SOS2: variants seen among roughly 807,000 people sequenced by gnomAD.
SOS2 encodes SOS Ras/Rho guanine nucleotide exchange factor 2.
Under a neutral mutation model 148.2 loss-of-function variants are expected in SOS2, and 65 were observed. That is an observed-to-expected ratio of 0.44 (90% CI 0.36 to 0.54). The LOEUF (loss-of-function observed/expected upper bound fraction) is 0.54. Ranked by LOEUF, SOS2 falls within the 20% of genes least tolerant of loss-of-function variation. The pLI is 0.00. For synonymous variants in SOS2, 539 were observed against 537.1 expected, an observed-to-expected ratio of 1.00 and a Z score of -0.05; for missense variants, 1,341 against 1,590.2, an observed-to-expected ratio of 0.84 and a Z score of 2.67.
chr14:50,149,014 G>A (rs1277127947), intron 14 of SOS2, among the ~76,000 whole-genome samples: 1 of 152,082 alleles, frequency 6.6e-6, no homozygotes, highest in South Asian at 2.1e-4. Context: ...CAGCCTCCTG[G>A]GCAACTGGGA....
intron 19 of SOS2, 47 bp downstream of exon 19, chr14:50,134,076 T>C (rs937332025): frequency 1.1e-6 from 1 of 913,330 alleles, no homozygotes; most frequent in African/African-American, 1.7e-5. Context: ...TTGAAAATAA[T>C]ATTTTAAAAA....
At chr14:50,155,005 CT>C (rs1256549680) in intron 12 of SOS2, among the ~76,000 whole-genome samples, 21 of 151,878 alleles carry the variant, frequency 1.4e-4, no homozygotes, top group African/African-American at 4.9e-4. Flanking sequence ...AAACACTGAA[CT>C]GTTAATGACA....
At chr14:50,180,330 G>A (rs949820492) in intron 7 of SOS2, among the ~76,000 whole-genome samples, 6 of 145,112 alleles carry the variant, frequency 4.1e-5, no homozygotes, top group African/African-American at 1.5e-4. Flanking sequence ...CCCAGATCTA[G>A]TATGTGCCAA....
Position 50,204,034 on chromosome 14 carries a change from C to T in SOS2, c.213+250G>A, listed in dbSNP as rs188029768. The stretch of plus-strand genomic sequence containing the variant: ...TCCATTTTGAATTAATTTTTGTCTA[C>T]GGCATGAGATAGGTTTCAAGGTTTT... On this transcript the variant is annotated intron_variant, in intron 2 of 22. Transcript: ENST00000216373. 6.5e-4 allele frequency among the ~76,000 whole-genome samples: 99 copies of T among 151,890 alleles called. 1 individual carries two copies. Among genetic ancestry groups the T allele is most frequent in the South Asian group, 2.1e-4 (1 of 4,820 alleles).
At chr14:50,228,607 G>A (rs979298792) in intron 1 of SOS2, among the ~76,000 whole-genome samples, 2 of 152,116 alleles carry the variant, frequency 1.3e-5, no homozygotes, top group African/African-American at 2.4e-5. Flanking sequence ...TGAAAATTAC[G>A]TTCTAACAGT....
At chr14:50,199,932 C>T in intron 3 of SOS2, 77 bp from the exon 4 acceptor site, 1 of 912,122 alleles carries the variant, frequency 1.1e-6, no homozygotes, top group Non-Finnish European at 1.7e-6. Context: ...TCCTATTTAA[C>T]ATCCTTGCTT....
At chr14:50,171,272 C>A (rs193056156) in intron 8 of SOS2, among the ~76,000 whole-genome samples, 1 of 152,004 alleles carries the variant, frequency 6.6e-6, no homozygotes, top group Non-Finnish European at 1.5e-5. Context: ...CATTACCATA[C>A]GATCCATCCA....
intron 1 of SOS2, among the ~76,000 whole-genome samples, chr14:50,226,006 T>TCCC (rs74726778): frequency 4.0e-5 from 6 of 150,742 alleles, no homozygotes; most frequent in African/African-American, 9.8e-5. Flanking sequence ...CTCAAATCCT[T>TCCC]CCCCCCCGCC....
chr14:50,170,170 T>C (rs964186221), intron 8 of SOS2, among the ~76,000 whole-genome samples: 1 of 151,160 alleles, frequency 6.6e-6, no homozygotes, highest in Non-Finnish European at 1.5e-5. Context: ...TGGGCTCAAG[T>C]GACCTTCTCA....
At chr14:50,213,181 T>A (rs970270187) in intron 1 of SOS2, among the ~76,000 whole-genome samples, 1 of 152,104 alleles carries the variant, frequency 6.6e-6, no homozygotes, top group African/African-American at 2.4e-5. Context: ...AGGTGACCAG[T>A]CCACACTGGT....
intron 18 of SOS2, among the ~76,000 whole-genome samples, chr14:50,134,645 C>A (rs1884014277): frequency 6.6e-6 from 1 of 151,884 alleles, no homozygotes; most frequent in Non-Finnish European, 1.5e-5. Flanking sequence ...TTTTGATAAT[C>A]AGAAAAAAAG....
At chr14:50,132,924 C>T (rs1010828449) in intron 19 of SOS2, among the ~76,000 whole-genome samples, 7 of 152,056 alleles carry the variant, frequency 4.6e-5, no homozygotes, top group African/African-American at 1.4e-4. Context: ...GATGGCAGAT[C>T]ATTAGGCATC....
In SOS2 at chr14:50,215,499, C is replaced by G. The variant is rs997618081; in HGVS notation, c.88-11090G>C. On this transcript the variant is annotated intron_variant, in intron 1 of 22. Transcript: ENST00000216373. ...TTTGCCTATCATATTTTTTGAAAGC[C>G]TAGTCAGAAAAAGAGCAATTAAAAT... is the stretch of plus-strand genomic sequence containing the variant. The G allele has an allele frequency of 4.1e-6, 5 of 1,233,012 alleles. No homozygotes were observed. In the African/African-American group the frequency reaches 8.0e-5, roughly 20 times the overall value. 76.4% of individuals were successfully genotyped at this position (1,233,012 alleles called of 1,614,324 possible). A position where few individuals can be genotyped will look rare whatever the true frequency, so the allele number is the denominator to read the frequency against.
chr14:50,194,404 C>T (rs1417912052), intron 4 of SOS2, among the ~76,000 whole-genome samples: 1 of 150,582 alleles, frequency 6.6e-6, no homozygotes, highest in Non-Finnish European at 1.5e-5. Context: ...TAGAAGAATG[C>T]CACTAATAAC....
chr14:50,223,446 G>A lies in SOS2; in HGVS notation c.87+7751C>T, dbSNP rs183968568. Among the ~76,000 whole-genome samples the A allele has an allele frequency of 5.4e-3, 818 of 152,074 alleles. 11 individuals are homozygous for A. Among genetic ancestry groups the A allele is most frequent in the African/African-American group, 0.018 (754 of 41,452 alleles). ...TCCCAGTACTTTGGGAGGCCGGGGCGGGCAGGTGACGAGGTCAACAGATTG... is the reference window on the plus strand; with the variant it reads ...TCCCAGTACTTTGGGAGGCCGGGGCAGGCAGGTGACGAGGTCAACAGATTG... On this transcript the variant is annotated intron_variant, in intron 1 of 22. Transcript: ENST00000216373.
rs888506828 is a variant in SOS2 at position 50,145,581 on chromosome 14, A to G, written c.2400T>C (p.Ser800=). ...ESDLYRKVQP[S]ELVGSVWTKE... ...TGGTCCACACACTCCCTACAAGTTC[A>G]GACGGTTGAACTTTCCTATGGAATT... Residue 800 remains serine (S), a synonymous_variant, in exon 15 of 23, where the codon TCT becomes TCC. Transcript: ENST00000216373. 6.3e-7 allele frequency: 1 copy of G among 1,599,696 alleles called. No homozygotes were observed. Among genetic ancestry groups the G allele is most frequent in the African/African-American group, 1.3e-5 (1 of 74,166 alleles).
At chr14:50,123,241 T>C (rs1883576725) in intron 21 of SOS2, among the ~76,000 whole-genome samples, 1 of 152,122 alleles carries the variant, frequency 6.6e-6, no homozygotes, top group Non-Finnish European at 1.5e-5. Flanking sequence ...ATGTGTCTAT[T>C]ATGTTGAGGC....
chr14:50,173,761 G>A (rs535545782), intron 8 of SOS2, among the ~76,000 whole-genome samples: 15 of 152,268 alleles, frequency 9.9e-5, no homozygotes, highest in South Asian at 6.2e-4. Flanking sequence ...CAACTTCATT[G>A]TGTAAGTCTC....
In SOS2 at chr14:50,139,998, A is replaced by C; in HGVS notation, c.2729T>G (p.Phe910Cys). 6.2e-7 allele frequency: 1 copy of C among 1,609,862 alleles called. No homozygotes were observed. The highest frequency in any genetic ancestry group is 8.5e-7 in the Non-Finnish European group (1 of 1,177,014). The change falls in exon 17 of 23, where the codon TTT becomes TGT. Residue 910 changes from phenylalanine to cysteine, a missense_variant. Physicochemically the swap from Phe to Cys is radical, Grantham distance 205. Around this residue, in one of 4 missense-constraint regions of SOS2, gnomAD observed 408 missense variants for 506.6 expected, o/e 0.81. Transcript: ENST00000216373. Reference sequence around the variant, plus strand: ...CTTAAGTTTTACTAGGTATTTTTTAAAGTGATCTTGACTTAATTCCACAGC... The same window carrying C: ...CTTAAGTTTTACTAGGTATTTTTTACAGTGATCTTGACTTAATTCCACAGC... ...DEAVELSQDHFKKYLVKLKSI... is the reference protein window; with the variant it reads ...DEAVELSQDHCKKYLVKLKSI...
Sources: gnomAD v4.1 joint callset for allele counts (sites outside exome capture counted in the v4.1 genomes callset) on GRCh38, gnomAD v4.1.1 for gene constraint, gnomAD v4.1.1 regional missense constraint, MANE v1.5 for transcripts, NCBI Gene and HGNC (gene_info 2026-07-23, HGNC 2026-07-21) for gene names.